The following TMEM200A variants were observed in gnomAD, a reference collection of about 807,000 sequenced individuals.
TMEM200A encodes the protein two transmembrane C.
TMEM200A carries 12 observed loss-of-function variants against 24.3 expected under a neutral mutation model. The ratio of observed to expected loss-of-function variants is 0.49; its 90% CI spans 0.32 to 0.80. The LOEUF is 0.80. Ranked by LOEUF, TMEM200A falls within the 30% of genes least tolerant of loss-of-function variation. The pLI is 0.04. For synonymous variants in TMEM200A, 224 were observed against 224.4 expected (o/e 1.00, Z 0.02); for missense variants, 545 against 614.4 (o/e 0.89, Z 1.19).
At chr6:130,402,754 T>C (rs1476036867) in intron 2 of TMEM200A, among the ~76,000 whole-genome samples, 2 of 152,142 alleles carry the variant, frequency 1.3e-5, no homozygotes, top group Non-Finnish European at 2.9e-5. Context: ...TTACAGAAAG[T>C]TGATATACAA....
chr6:130,405,564 C>T (rs972493481), intron 2 of TMEM200A, among the ~76,000 whole-genome samples: 13 of 152,190 alleles, frequency 8.5e-5, no homozygotes, highest in African/African-American at 3.1e-4. Flanking sequence ...ATCATTCTAA[C>T]TGAGAATGAG....
intron 1 of TMEM200A, among the ~76,000 whole-genome samples, chr6:130,380,643 A>T (rs116385574): frequency 0.012 from 1,790 of 152,306 alleles, 42 homozygotes; most frequent in African/African-American, 0.039. Flanking sequence ...GGAACATCAC[A>T]TCCTTGTTCT....
chr6:130,366,320 C>A lies in TMEM200A; in HGVS notation c.-285C>A. 1 of 985,280 alleles carries A rather than the reference C, an allele frequency of 1.0e-6. No homozygotes were observed. The highest frequency in any genetic ancestry group is 1.2e-6 in the Non-Finnish European group (1 of 829,888). The allele number at this position is 985,280 out of a possible 1,614,324, so 61.0% of individuals were successfully genotyped here. A position where few individuals can be genotyped will look rare whatever the true frequency, so the allele number is the denominator to read the frequency against. Reference sequence around the variant, plus strand: ...CACCCGCCCCCTCGCCTGACTCATCCGCCCGCGGTGGCCGCCCGAGCCCTG... The same window carrying A: ...CACCCGCCCCCTCGCCTGACTCATCAGCCCGCGGTGGCCGCCCGAGCCCTG... On this transcript the variant is annotated 5_prime_UTR_variant, in exon 1 of 3. Coordinates refer to ENST00000296978, the MANE Select transcript of TMEM200A (RefSeq NM_001258277.2). The surrounding 1 kb of genome is among the most constrained non-coding windows in gnomAD (Gnocchi z 4.4).
At position 130,440,970 on chromosome 6, in the gene TMEM200A, G is replaced by T. The variant is rs931103745; in HGVS notation, c.548G>T (p.Gly183Val). 2 of 1,614,074 alleles carry T rather than the reference G, an allele frequency of 1.2e-6. No homozygotes were observed. The highest frequency in any genetic ancestry group is 1.7e-6 in the Non-Finnish European group (2 of 1,179,996). ...ATCAAGGAGCAAAGGCAAATGAACG[G>T]CATGTACACTGGTTTGATGGGAGAA... is the stretch of plus-strand genomic sequence containing the variant. ...LRIKEQRQMNGMYTGLMGETE... is the reference protein window; with the variant it reads ...LRIKEQRQMNVMYTGLMGETE... Residue 183 changes from glycine (G) to valine (V), a missense_variant, in exon 3 of 3, where the codon GGC becomes GTC. Gly to Val is a moderately radical substitution (Grantham distance 109, BLOSUM62 -3). Coordinates refer to ENST00000296978, the MANE Select transcript of TMEM200A (RefSeq NM_001258277.2).
rs1054439162 is a variant in TMEM200A, at chr6:130,442,118, G to C, written c.*220G>C. 2.2e-4 allele frequency: 89 copies of C among 410,134 alleles called. No homozygotes were observed. Among genetic ancestry groups the C allele is most frequent in the Non-Finnish European group, 2.9e-4 (64 of 223,788 alleles). The allele number at this position is 410,134 out of a possible 1,614,324, so 25.4% of individuals were successfully genotyped here. A position where few individuals can be genotyped will look rare whatever the true frequency, so the allele number is the denominator to read the frequency against. On this transcript the variant is annotated 3_prime_UTR_variant, in exon 3 of 3. Transcript: ENST00000296978. ...CATGATTTTATTTTTCTCTTCCTTT[G>C]AAAGCATGATCTCTTTTATTAATAT...
intron 2 of TMEM200A, among the ~76,000 whole-genome samples, chr6:130,416,938 A>ATGC: frequency 6.6e-6 from 1 of 152,250 alleles, no homozygotes; most frequent in South Asian, 2.1e-4. Flanking sequence ...GACTTGGCAC[A>ATGC]TGCTAGTCTT....
chr6:130,426,610 A>G (rs1258542218), intron 2 of TMEM200A, among the ~76,000 whole-genome samples: 1 of 152,142 alleles, frequency 6.6e-6, no homozygotes, highest in African/African-American at 2.4e-5. Flanking sequence ...TTGTAAGGTT[A>G]GAGCAAGCAA....
intron 2 of TMEM200A, among the ~76,000 whole-genome samples, chr6:130,406,227 T>G (rs1467843486): frequency 6.6e-6 from 1 of 152,186 alleles, no homozygotes; most frequent in Non-Finnish European, 1.5e-5. Flanking sequence ...ATATACTACA[T>G]GCACAAAGGA....
intron 2 of TMEM200A, among the ~76,000 whole-genome samples, chr6:130,424,186 A>C (rs755588676): frequency 3.9e-5 from 6 of 152,112 alleles, no homozygotes; most frequent in Admixed American, 6.6e-5. Context: ...TTGTGGCATT[A>C]TGAAGGGGAA....
At chr6:130,376,436 C>T (rs1778457769) in intron 1 of TMEM200A, among the ~76,000 whole-genome samples, 1 of 152,066 alleles carries the variant, frequency 6.6e-6, no homozygotes, top group Non-Finnish European at 1.5e-5. Context: ...GCACACATCA[C>T]CATGCCTGGC....
At chr6:130,432,853 A>G (rs899754640) in intron 2 of TMEM200A, among the ~76,000 whole-genome samples, 8 of 152,118 alleles carry the variant, frequency 5.3e-5, no homozygotes, top group African/African-American at 1.9e-4. Context: ...TACTATACCC[A>G]TTTTACAAAT....
intron 2 of TMEM200A, among the ~76,000 whole-genome samples, chr6:130,417,191 G>A (rs1398228517): frequency 6.6e-6 from 1 of 152,166 alleles, no homozygotes; most frequent in South Asian, 2.1e-4. Flanking sequence ...CCCTGGCAGA[G>A]TGATTGACAC....
chr6:130,424,730 A>C (rs1383726224), intron 2 of TMEM200A, among the ~76,000 whole-genome samples: 1 of 152,134 alleles, frequency 6.6e-6, no homozygotes, highest in African/African-American at 2.4e-5. Flanking sequence ...TGGGGGAGCC[A>C]TGATGGTGAC....
intron 2 of TMEM200A, among the ~76,000 whole-genome samples, chr6:130,386,943 A>C (rs767388837): frequency 3.9e-5 from 6 of 152,192 alleles, no homozygotes; most frequent in Non-Finnish European, 7.3e-5. Context: ...CCTATTTCTA[A>C]ACCTGAAACC....
intron 2 of TMEM200A, among the ~76,000 whole-genome samples, chr6:130,414,274 A>G (rs1779397756): frequency 6.6e-6 from 1 of 151,954 alleles, no homozygotes; most frequent in Non-Finnish European, 1.5e-5. Context: ...TCTACTAAAA[A>G]TACAAAAATT....
intron 2 of TMEM200A, among the ~76,000 whole-genome samples, chr6:130,407,278 CTAA>C (rs1779227496): frequency 6.6e-6 from 1 of 152,114 alleles, no homozygotes; most frequent in Non-Finnish European, 1.5e-5. Flanking sequence ...GAAATCTAAC[CTAA>C]TGTTTTATTT....
chr6:130,388,099 C>G (rs1033090699), intron 2 of TMEM200A, among the ~76,000 whole-genome samples: 2 of 152,106 alleles, frequency 1.3e-5, no homozygotes, highest in Non-Finnish European at 2.9e-5. Flanking sequence ...TTATTATACT[C>G]TGTACTAGTG....
chr6:130,379,013 G>A lies in TMEM200A; in HGVS notation c.-80-6160G>A, dbSNP rs568814280. ...ATGGGGTTGAACTCATTCTTTTTAT[G>A]AAGAAACCATTCCTATAATAACTAA... On this transcript the variant is annotated intron_variant, in intron 1 of 2. Coordinates refer to ENST00000296978, the MANE Select transcript of TMEM200A (RefSeq NM_001258277.2). Among the ~76,000 whole-genome samples the A allele has an allele frequency of 1.4e-4, 22 of 152,252 alleles. 1 individual carries two copies. The South Asian group carries it at 4.6e-3, about 32-fold the overall frequency.
intron 2 of TMEM200A, among the ~76,000 whole-genome samples, chr6:130,409,146 G>A (rs1779276201): frequency 6.6e-6 from 1 of 151,982 alleles, no homozygotes. Context: ...GGTGGTCTAA[G>A]GTTTTCTCTA....
Sources: gnomAD v4.1 joint callset for allele counts (sites outside exome capture counted in the v4.1 genomes callset) on GRCh38, gnomAD v4.1.1 for gene constraint, Gnocchi (gnomAD v3.1) non-coding constraint, MANE v1.5 for transcripts, NCBI Gene and HGNC (gene_info 2026-07-23, HGNC 2026-07-21) for gene names.